The following ABTB3 variants were observed in gnomAD, a reference collection of about 807,000 sequenced individuals.
ABTB3 encodes ankyrin repeat and BTB domain containing 3.
At chr12:107,644,721 C>T in the ABTB3 span, among the ~76,000 whole-genome samples, 11 of 151,970 alleles carry the variant, frequency 7.2e-5, no homozygotes, top group Non-Finnish European at 1.3e-4. Context: ...AGCATAGCAC[C>T]CTCCTCCCAC....
chr12:107,574,896 C>T, the ABTB3 span, among the ~76,000 whole-genome samples: 858 of 152,268 alleles, frequency 5.6e-3, 4 homozygotes, highest in Middle Eastern at 0.014. Context: ...CAGAAACCAC[C>T]CTCGTGGGCA....
the ABTB3 span, among the ~76,000 whole-genome samples, chr12:107,327,859 C>A: frequency 6.6e-6 from 1 of 152,208 alleles, no homozygotes; most frequent in Non-Finnish European, 1.5e-5. Context: ...CATGTAGAGT[C>A]CACCTGATGG....
chr12:107,629,080 C>G, the ABTB3 span, among the ~76,000 whole-genome samples: 2 of 152,194 alleles, frequency 1.3e-5, no homozygotes, highest in Non-Finnish European at 2.9e-5. Flanking sequence ...CCCAAATTCA[C>G]AGGACTCCAT....
chr12:107,500,200 G>A, the ABTB3 span, among the ~76,000 whole-genome samples: 931 of 152,242 alleles, frequency 6.1e-3, 8 homozygotes, highest in African/African-American at 0.021. Context: ...ATCCTGCTGC[G>A]CTGAGGCCTG....
the ABTB3 span, among the ~76,000 whole-genome samples, chr12:107,471,519 C>T: frequency 0.011 from 1,675 of 152,304 alleles, 33 homozygotes; most frequent in African/African-American, 0.037. Flanking sequence ...TGAGCCCTTA[C>T]TGTGTGTCAG....
chr12:107,570,006 G>A, the ABTB3 span, among the ~76,000 whole-genome samples: 14 of 152,298 alleles, frequency 9.2e-5, no homozygotes, highest in East Asian at 2.5e-3. Flanking sequence ...GCCCTTCCTG[G>A]AAGTCTCACA....
chr12:107,360,952 T>TTTTTG, the ABTB3 span, among the ~76,000 whole-genome samples: 31 of 146,424 alleles, frequency 2.1e-4, no homozygotes, highest in African/African-American at 7.2e-4. Flanking sequence ...TTTTTTTTTT[T>TTTTTG]GTAGAAACAG....
chr12:107,367,838 C>G, the ABTB3 span, among the ~76,000 whole-genome samples: 5 of 152,112 alleles, frequency 3.3e-5, no homozygotes, highest in African/African-American at 1.2e-4. Context: ...ACTTTTTTGT[C>G]TATAATCTCC....
the ABTB3 span, among the ~76,000 whole-genome samples, chr12:107,542,386 C>T: frequency 6.6e-6 from 1 of 151,566 alleles, no homozygotes; most frequent in Non-Finnish European, 1.5e-5. Flanking sequence ...TTCTGGTGTG[C>T]ATGAGATGAT....
chr12:107,570,816 C>T, the ABTB3 span, among the ~76,000 whole-genome samples: 1 of 152,302 alleles, frequency 6.6e-6, no homozygotes, highest in Admixed American at 6.5e-5. Flanking sequence ...CCTCTCCTTC[C>T]GTTGCTCTGT....
chr12:107,608,131 G>A, the ABTB3 span, among the ~76,000 whole-genome samples: 67 of 152,296 alleles, frequency 4.4e-4, 1 homozygote, highest in African/African-American at 1.4e-3. Context: ...CTGGGCAAGG[G>A]TGGTGCATAT....
At chr12:107,495,140 C>T in the ABTB3 span, among the ~76,000 whole-genome samples, 310 of 152,258 alleles carry the variant, frequency 2.0e-3, no homozygotes, top group African/African-American at 6.9e-3. Flanking sequence ...TCCTCAGGAA[C>T]GCCATGCCCT....
At chr12:107,482,264 C>T in the ABTB3 span, among the ~76,000 whole-genome samples, 1 of 152,146 alleles carries the variant, frequency 6.6e-6, no homozygotes. Flanking sequence ...CTGCCTAAGG[C>T]AGAACAGCTA....
the ABTB3 span, among the ~76,000 whole-genome samples, chr12:107,637,822 GT>G: frequency 1.8e-4 from 26 of 143,874 alleles, no homozygotes; most frequent in East Asian, 4.3e-3. Context: ...GTGTGTGTGT[GT>G]GTGTGTGTGT....
the ABTB3 span, among the ~76,000 whole-genome samples, chr12:107,368,716 G>A: frequency 2.6e-5 from 4 of 152,132 alleles, no homozygotes; most frequent in South Asian, 2.1e-4. Context: ...CCAGTGGCGC[G>A]GAGGGGTTCC....
At chr12:107,484,763 T>C in the ABTB3 span, among the ~76,000 whole-genome samples, 2 of 152,054 alleles carry the variant, frequency 1.3e-5, no homozygotes, top group African/African-American at 4.8e-5. Flanking sequence ...GCTACTTCTG[T>C]GGGTATTGAG....
the ABTB3 span, among the ~76,000 whole-genome samples, chr12:107,656,957 C>G: frequency 3.9e-5 from 6 of 152,276 alleles, no homozygotes; most frequent in East Asian, 9.7e-4. Flanking sequence ...GCAGAAGAAT[C>G]ACTTGAACCC....
chr12:107,416,860 T>C, the ABTB3 span, among the ~76,000 whole-genome samples: 2 of 152,304 alleles, frequency 1.3e-5, no homozygotes, highest in African/African-American at 2.4e-5. Flanking sequence ...CTCAAACTCC[T>C]GGCCTCAAGT....
chr12:107,559,950 G>A, the ABTB3 span, among the ~76,000 whole-genome samples: 1 of 151,654 alleles, frequency 6.6e-6, no homozygotes, highest in African/African-American at 2.4e-5. Context: ...TTATAATTCT[G>A]CTACCCTGAG....
Sources: allele counts gnomAD v4.1 joint callset (sites outside exome capture counted in the v4.1 genomes callset), GRCh38; gene constraint gnomAD v4.1.1; transcripts MANE v1.5; gene names NCBI Gene and HGNC (gene_info 2026-07-23, HGNC 2026-07-21).